Variants in SCARB2 observed in about 807,000 individuals in gnomAD.
SCARB2 encodes scavenger receptor class B member 2.
In SCARB2, 29 loss-of-function variants were observed where a neutral mutation model predicts 58.6. The ratio of observed to expected loss-of-function variants is 0.49; its 90% CI spans 0.37 to 0.67. SCARB2 has a LOEUF of 0.67. SCARB2 is among the 30% of genes least tolerant of loss of function. The pLI, the probability that SCARB2 is intolerant of heterozygous loss-of-function variation, is 0.00. For missense variants in SCARB2, 488 were observed against 578.5 expected (o/e 0.84, Z 1.60); for synonymous variants, 195 against 210.1 (o/e 0.93, Z 0.62).
At chr4:76,169,386 T>C (rs888457014) in intron 8 of SCARB2, among the ~76,000 whole-genome samples, 9 of 151,852 alleles carry the variant, frequency 5.9e-5, no homozygotes, top group African/African-American at 2.2e-4. Context: ...TTACAATTAA[T>C]AATATAATAA....
At chr4:76,174,009 G>C in intron 7 of SCARB2, 135 bp downstream of exon 7, 1 of 1,105,320 alleles carries the variant, frequency 9.0e-7, no homozygotes, top group Non-Finnish European at 1.4e-6. Context: ...GGGCTCAAGT[G>C]ATCATCCCAC....
intron 10 of SCARB2, chr4:76,165,828 C>T (rs1037558225): frequency 2.9e-5 from 6 of 208,964 alleles, no homozygotes; most frequent in East Asian, 1.2e-4. Context: ...CTACAGTAAA[C>T]GTGATATGTG....
intron 4 of SCARB2, among the ~76,000 whole-genome samples, chr4:76,178,489 T>C (rs373665024): frequency 1.3e-5 from 2 of 152,228 alleles, no homozygotes; most frequent in African/African-American, 4.8e-5. Flanking sequence ...ACTTGGCTGA[T>C]GGATTGAAGC....
In SCARB2 at chr4:76,196,163, G is replaced by T. The variant is rs540476939; in HGVS notation, c.118-299C>A. Among the ~76,000 whole-genome samples, 49 of 152,298 alleles carry T rather than the reference G, an allele frequency of 3.2e-4. 2 individuals are homozygous for T. In the South Asian group the frequency reaches 9.1e-3, roughly 28 times the overall value. On this transcript the variant is annotated intron_variant, in intron 1 of 11. Transcript: ENST00000264896. ...ACTTGAGGTCAAGAGTTCGTGCTTG[G>T]TCAACATGGTGAAACCCCGTCTCTA...
rs552060323 is a variant in SCARB2 at position 76,194,054 on chromosome 4, T to C, written c.275+1653A>G. 3.9e-5 allele frequency: 6 copies of C among 152,310 alleles called. No homozygotes were observed. The East Asian group carries it at 1.2e-3, about 29-fold the overall frequency. 9.4% of individuals were successfully genotyped at this position (152,310 alleles called of 1,614,324 possible). ...CAACAGTGGGTGACTTCTCACGAGA[T>C]CTTGTTGTTGTAAAAGTGTGGCACC... On this transcript the variant is annotated intron_variant, in intron 2 of 11. Coordinates refer to ENST00000264896, the MANE Select transcript of SCARB2 (RefSeq NM_005506.4).
intron 1 of SCARB2, 43 bp downstream of exon 1, chr4:76,213,384 G>T: frequency 1.5e-6 from 2 of 1,342,958 alleles, no homozygotes; most frequent in Non-Finnish European, 2.1e-6. Flanking sequence ...GGGAGGGTGA[G>T]CTGGACGACT....
chr4:76,204,086 G>A (rs967858938), intron 1 of SCARB2, among the ~76,000 whole-genome samples: 9 of 152,172 alleles, frequency 5.9e-5, no homozygotes, highest in African/African-American at 1.9e-4. Flanking sequence ...ATTGTGTATG[G>A]ATGGTATATT....
chr4:76,162,783 A>T (rs1236788229), intron 11 of SCARB2: 1 of 277,672 alleles, frequency 3.6e-6, no homozygotes, highest in African/African-American at 2.2e-5. Flanking sequence ...TGAAAAACTC[A>T]TAAGGGAGGC....
At chr4:76,195,464 C>T (rs1732692308) in intron 2 of SCARB2, 1 of 526,686 alleles carries the variant, frequency 1.9e-6, no homozygotes, top group Admixed American at 3.3e-5. Context: ...CACAGTCTGC[C>T]AACTCAGGAG....
chr4:76,227,131 T>G (rs1733412289), intron 1 of SCARB2, among the ~76,000 whole-genome samples: 1 of 152,228 alleles, frequency 6.6e-6, no homozygotes, highest in Non-Finnish European at 1.5e-5. Context: ...TGTCTATTTG[T>G]GCTCTTTCAG....
chr4:76,207,097 C>G (rs575561468), intron 1 of SCARB2, among the ~76,000 whole-genome samples: 6 of 152,126 alleles, frequency 3.9e-5, no homozygotes, highest in Non-Finnish European at 7.4e-5. Flanking sequence ...CCCTGGGGAG[C>G]CCGAAGACCT....
intron 1 of SCARB2, among the ~76,000 whole-genome samples, chr4:76,203,011 GAC>G (rs1161187182): frequency 6.6e-6 from 1 of 152,048 alleles, no homozygotes; most frequent in Non-Finnish European, 1.5e-5. Context: ...CTTTTTTTGA[GAC>G]AGAGTCTTGC....
intron 3 of SCARB2, 85 bp from the exon 4 acceptor site, chr4:76,179,790 G>GTA: frequency 9.7e-7 from 1 of 1,034,902 alleles, no homozygotes; most frequent in Non-Finnish European, 1.5e-6. Context: ...TAGCAAAGGG[G>GTA]GTTGGAAATA....
At chr4:76,198,226 A>C (rs1732754361) in intron 1 of SCARB2, among the ~76,000 whole-genome samples, 1 of 152,224 alleles carries the variant, frequency 6.6e-6, no homozygotes, top group East Asian at 1.9e-4. Context: ...TTGAGATCTC[A>C]TTTATTTGTT....
At chr4:76,176,292 T>C (rs2109944117) in intron 5 of SCARB2, 145 bp downstream of exon 5, 4 of 633,684 alleles carry the variant, frequency 6.3e-6, no homozygotes, top group Non-Finnish European at 1.1e-5. Flanking sequence ...TCTTGATTTG[T>C]AGAATAATAA....
At chr4:76,190,050 C>T (rs1027315396) in intron 2 of SCARB2, among the ~76,000 whole-genome samples, 2 of 151,396 alleles carry the variant, frequency 1.3e-5, no homozygotes, top group Non-Finnish European at 2.9e-5. Flanking sequence ...ACCCTGTTAC[C>T]CAGGCTGGAG....
chr4:76,163,070 G>A, intron 11 of SCARB2, 155 bp downstream of exon 11: 2 of 862,524 alleles, frequency 2.3e-6, no homozygotes, highest in East Asian at 5.2e-5. Flanking sequence ...CTTCCCATTT[G>A]GTCCAGCAGT....
At chr4:76,167,949 G>GA (rs1232048675) in intron 9 of SCARB2, among the ~76,000 whole-genome samples, 8 of 152,164 alleles carry the variant, frequency 5.3e-5, no homozygotes, top group Middle Eastern at 3.4e-3. Context: ...CAAAGTGCTG[G>GA]ATTACAGGCA....
Position 76,195,943 on chromosome 4 carries a change from G to A in SCARB2, c.118-79C>T, listed in dbSNP as rs3733259. ...AAACCCAAGAAGCAGAGGAAGGGAC[G>A]CCCCCTATTCTGACCTCCTAGATCA... On this transcript the variant is annotated intron_variant, in intron 1 of 11. Transcript: ENST00000264896. 0.15 allele frequency: 165,659 copies of A among 1,070,084 alleles called. 14,613 individuals carry two copies. The highest frequency in any genetic ancestry group is 0.34 in the East Asian group (13,974 of 41,088). The allele number at this position is 1,070,084 out of a possible 1,614,324, so 66.3% of individuals were successfully genotyped here.
Sources: gnomAD v4.1 joint callset for allele counts (sites outside exome capture counted in the v4.1 genomes callset) on GRCh38, gnomAD v4.1.1 for gene constraint, MANE v1.5 for transcripts, NCBI Gene and HGNC (gene_info 2026-07-23, HGNC 2026-07-21) for gene names.